The following SPNS3 variants were observed in gnomAD, a reference collection of about 807,000 sequenced individuals.
The protein encoded by SPNS3 is protein spinster homolog 3.
SPNS3 carries 51 observed loss-of-function variants against 54.4 expected under a neutral mutation model. That is an observed-to-expected ratio of 0.94 (90% CI 0.75 to 1.18). SPNS3 has a LOEUF of 1.18. Ranked by LOEUF, SPNS3 falls within the 50% of genes most tolerant of loss-of-function variation. The probability of loss-of-function intolerance (pLI) is 0.00; values close to 1 mark genes in which losing one functional copy is unlikely to be tolerated. For missense variants in SPNS3, 669 were observed against 677.4 expected, an observed-to-expected ratio of 0.99 and a Z score of 0.14; for synonymous variants, 309 against 294.7, an observed-to-expected ratio of 1.05 and a Z score of -0.50.
intron 7 of SPNS3, among the ~76,000 whole-genome samples, chr17:4,450,437 C>T (rs1039918869): frequency 7.4e-6 from 1 of 135,496 alleles, no homozygotes; most frequent in Non-Finnish European, 1.6e-5. Context: ...TTTTTTGAGT[C>T]AAGGTCTCAC....
At chr17:4,487,782 G>A (rs1251127536) in intron 11 of SPNS3, 24 bp from the exon 12 acceptor site, 1 of 1,611,524 alleles carries the variant, frequency 6.2e-7, no homozygotes, top group Non-Finnish European at 8.5e-7. Flanking sequence ...CCTTCGGGCA[G>A]GCTGAGCATC....
At chr17:4,437,672 T>TAAAG in intron 1 of SPNS3, among the ~76,000 whole-genome samples, 1 of 87,748 alleles carries the variant, frequency 1.1e-5, no homozygotes. Context: ...GTCTCAAAAA[T>TAAAG]AAATAAATAA....
At chr17:4,458,627 TTCTTTCTTTCTTTC>T (rs1349969933) in intron 8 of SPNS3, among the ~76,000 whole-genome samples, 48 of 145,576 alleles carry the variant, frequency 3.3e-4, no homozygotes, top group African/African-American at 1.2e-3. Flanking sequence ...CTTTCTTTCT[TTCTTTCTTTCTTTC>T]TTTCTTTCCT....
chr17:4,453,328 C>A, intron 8 of SPNS3, 123 bp downstream of exon 8: 1 of 905,594 alleles, frequency 1.1e-6, no homozygotes, highest in Non-Finnish European at 1.7e-6. Flanking sequence ...CTGAGTAGAG[C>A]TTGTTATCCC....
intron 9 of SPNS3, chr17:4,482,584 G>C (rs1025685224): frequency 2.6e-5 from 4 of 152,160 alleles, no homozygotes; most frequent in African/African-American, 4.8e-5. Context: ...GCCTCTCGGG[G>C]GGTTTCTGTT....
At chr17:4,471,971 G>C (rs1597335746) in intron 8 of SPNS3, among the ~76,000 whole-genome samples, 1 of 151,884 alleles carries the variant, frequency 6.6e-6, no homozygotes, top group African/African-American at 2.4e-5. Context: ...CGATCCTCCT[G>C]CCTTAGCCTC....
At chr17:4,434,210 C>G in intron 1 of SPNS3, 44 bp downstream of exon 1, 1 of 1,540,880 alleles carries the variant, frequency 6.5e-7, no homozygotes, top group Non-Finnish European at 8.8e-7. Flanking sequence ...GCTGCTGTGC[C>G]CACCAGCCAG....
At chr17:4,475,014 T>A (rs915508791) in intron 8 of SPNS3, among the ~76,000 whole-genome samples, 12 of 152,162 alleles carry the variant, frequency 7.9e-5, no homozygotes, top group African/African-American at 2.9e-4. Flanking sequence ...AGGCCTCGGC[T>A]GTGCGTGTGT....
rs1465515117 is a variant in SPNS3 at position 4,442,730 on chromosome 17, C to T, written c.266-2302C>T. Among the ~76,000 whole-genome samples, 6 of 152,136 alleles carry T rather than the reference C, an allele frequency of 3.9e-5. No homozygotes were observed. The East Asian group carries it at 7.7e-4, about 20-fold the overall frequency. On this transcript the variant is annotated intron_variant, in intron 2 of 11. Coordinates refer to ENST00000355530, the MANE Select transcript of SPNS3 (RefSeq NM_182538.5). Reference sequence around the variant, plus strand: ...TAAATATCAACTTATTTAATCTTCACGACAATCCCACCAGGCAGGTTTTAC... The same window carrying T: ...TAAATATCAACTTATTTAATCTTCATGACAATCCCACCAGGCAGGTTTTAC...
chr17:4,452,878 G>A lies in SPNS3; in HGVS notation c.924-138G>A, dbSNP rs1050426052. ...TGGGTAAGGTTCTGGGTCAGGTCAG[G>A]GGCCCACAGCCATATTCCCTGTAGA... is the stretch of plus-strand genomic sequence containing the variant. On this transcript the variant is annotated intron_variant, in intron 7 of 11. Transcript: ENST00000355530. 2.8e-5 allele frequency: 22 copies of A among 781,452 alleles called. No homozygotes were observed. In the East Asian group the frequency reaches 3.7e-4, roughly 13 times the overall value. 48.4% of individuals were successfully genotyped at this position (781,452 alleles called of 1,614,324 possible). A position where few individuals can be genotyped will look rare whatever the true frequency, so the allele number is the denominator to read the frequency against.
chr17:4,447,329 G>GT (rs1971025679), intron 5 of SPNS3, among the ~76,000 whole-genome samples: 1 of 152,216 alleles, frequency 6.6e-6, no homozygotes. Flanking sequence ...AGGGTGTAGA[G>GT]TAGGCCCTTG....
At chr17:4,442,691 G>A (rs532564243) in intron 2 of SPNS3, among the ~76,000 whole-genome samples, 1 of 152,272 alleles carries the variant, frequency 6.6e-6, no homozygotes, top group East Asian at 1.9e-4. Context: ...TGTCAGGCAC[G>A]ATTCTAAGTG....
chr17:4,487,826 G>A lies in SPNS3; in HGVS notation c.1471G>A (p.Val491Met), dbSNP rs766737071. The change falls in exon 12 of 12, where the codon GTG (valine) becomes ATG (methionine). Residue 491 changes from valine (V) to methionine (M), a missense_variant. Val to Met is a conservative substitution (Grantham distance 21). Coordinates refer to ENST00000355530, the MANE Select transcript of SPNS3 (RefSeq NM_182538.5). ...PVTGTPDSND[V>M]DSNDLERQGL... ...TGCAGGGACCCCAGACAGCAATGAT[G>A]TGGACAGCAACGACCTGGAGAGACA... is the stretch of plus-strand genomic sequence containing the variant. 5.6e-6 allele frequency: 9 copies of A among 1,614,016 alleles called. No homozygotes were observed. The highest frequency in any genetic ancestry group is 5.0e-5 in the Admixed American group (3 of 60,014).
intron 7 of SPNS3, among the ~76,000 whole-genome samples, chr17:4,451,247 T>TTCA (rs528404342): frequency 8.3e-6 from 1 of 119,870 alleles, no homozygotes; most frequent in Admixed American, 1.0e-4. Context: ...CTTCTTCTTC[T>TTCA]TTGTTTTTTT....
intron 8 of SPNS3, among the ~76,000 whole-genome samples, chr17:4,458,637 C>CTTTCT (rs1971408898): frequency 1.6e-5 from 2 of 122,564 alleles, no homozygotes; most frequent in African/African-American, 6.0e-5. Flanking sequence ...TTCTTTCTTT[C>CTTTCT]TTTCTTTCTT....
At chr17:4,445,298 C>T (rs1193310197) in intron 3 of SPNS3, 130 bp downstream of exon 3, 29 of 979,528 alleles carry the variant, frequency 3.0e-5, no homozygotes, top group Middle Eastern at 3.0e-4. Context: ...TCAGGGATTG[C>T]ACTGAGGGCT....
chr17:4,468,757 C>CTTTCTTTCTTTG (rs1357253571), intron 8 of SPNS3, among the ~76,000 whole-genome samples: 1 of 140,342 alleles, frequency 7.1e-6, no homozygotes, highest in Non-Finnish European at 1.5e-5. Flanking sequence ...TTCTTTCTTT[C>CTTTCTTTCTTTG]TTTCTCTCTT....
At chr17:4,471,320 C>T (rs1470956632) in intron 8 of SPNS3, among the ~76,000 whole-genome samples, 1 of 152,150 alleles carries the variant, frequency 6.6e-6, no homozygotes, top group African/African-American at 2.4e-5. Flanking sequence ...TACACAGATT[C>T]TTTATTCCTG....
chr17:4,452,033 G>A (rs1020010372), intron 7 of SPNS3, among the ~76,000 whole-genome samples: 3 of 152,030 alleles, frequency 2.0e-5, no homozygotes, highest in African/African-American at 4.8e-5. Flanking sequence ...CCAGGAGGGT[G>A]AAGAAGTATA....
Sources: gnomAD v4.1 joint callset for allele counts (sites outside exome capture counted in the v4.1 genomes callset) on GRCh38, gnomAD v4.1.1 for gene constraint, MANE v1.5 for transcripts, NCBI Gene and HGNC (gene_info 2026-07-23, HGNC 2026-07-21) for gene names.